LARS2: variants seen among roughly 807,000 people sequenced by gnomAD.
LARS2 encodes leucyl-tRNA synthetase 2, mitochondrial.
In LARS2, 81 loss-of-function variants were observed where a neutral mutation model predicts 116.6. The ratio of observed to expected loss-of-function variants is 0.69; its 90% CI spans 0.58 to 0.84. The LOEUF (loss-of-function observed/expected upper bound fraction) is 0.84, where lower values mean the gene tolerates loss of function less well. Ranked by LOEUF, LARS2 falls within the 40% of genes least tolerant of loss-of-function variation. LARS2 has a pLI of 0.00. For missense variants in LARS2, 968 were observed against 1,114.5 expected (o/e 0.87, Z 1.87); for synonymous variants, 396 against 407.2 (o/e 0.97, Z 0.33).
chr3:45,491,879 C>A, intron 13 of LARS2, 79 bp downstream of exon 13: 1 of 1,340,628 alleles, frequency 7.5e-7, no homozygotes, highest in Non-Finnish European at 1.0e-6. Context: ...CTCCTCCCTC[C>A]TGGTGCTAAC....
At chr3:45,541,197 G>A (rs532284753) in intron 20 of LARS2, among the ~76,000 whole-genome samples, 2 of 152,268 alleles carry the variant, frequency 1.3e-5, no homozygotes, top group African/African-American at 4.8e-5. Context: ...GCTGCGGCAC[G>A]AAGCACTCTG....
chr3:45,496,239 A>G, intron 13 of LARS2, 36 bp from the exon 14 acceptor site: 2 of 1,506,146 alleles, frequency 1.3e-6, no homozygotes, highest in Non-Finnish European at 1.8e-6. Flanking sequence ...TAAAATTTAA[A>G]AAGAAACCAA....
chr3:45,451,269 A>T (rs938085449), intron 7 of LARS2, among the ~76,000 whole-genome samples: 1 of 151,984 alleles, frequency 6.6e-6, no homozygotes, highest in Non-Finnish European at 1.5e-5. Flanking sequence ...CCCAAAAAAA[A>T]AATTTGTCCA....
At chr3:45,427,236 G>A (rs1220379685) in intron 6 of LARS2, among the ~76,000 whole-genome samples, 1 of 152,144 alleles carries the variant, frequency 6.6e-6, no homozygotes, top group Admixed American at 6.5e-5. Context: ...TATTTAAAAG[G>A]TCTTGAAGAT....
intron 20 of LARS2, among the ~76,000 whole-genome samples, chr3:45,533,139 G>GTTTTTT (rs1559499579): frequency 2.3e-5 from 2 of 86,388 alleles, no homozygotes; most frequent in Non-Finnish European, 2.4e-5. Flanking sequence ...GTCACATTAA[G>GTTTTTT]TCTTTTTTTT....
intron 6 of LARS2, chr3:45,422,056 A>G (rs1042063188): frequency 6.6e-6 from 1 of 152,238 alleles, no homozygotes; most frequent in African/African-American, 2.4e-5. Context: ...GGAACCATCT[A>G]TACACATATT....
In LARS2 at chr3:45,437,417, A is replaced by T. The variant is rs528267369; in HGVS notation, c.517-9474A>T. Among the ~76,000 whole-genome samples the T allele has an allele frequency of 2.9e-4, 44 of 152,388 alleles. 1 individual carries two copies. The South Asian group carries it at 8.3e-3, about 29-fold the overall frequency. On this transcript the variant is annotated intron_variant, in intron 6 of 21. Coordinates refer to ENST00000645846, the MANE Select transcript of LARS2 (RefSeq NM_015340.4). ...TTAACACCTGTTCCCTCAATTCTGC[A>T]AAAAAGAGAACAGGAAAGATAAAGG...
At chr3:45,519,033 C>G (rs1700412541) in intron 18 of LARS2, among the ~76,000 whole-genome samples, 1 of 152,216 alleles carries the variant, frequency 6.6e-6, no homozygotes, top group Non-Finnish European at 1.5e-5. Context: ...TTCTTCTATT[C>G]TGTCAGATAA....
intron 20 of LARS2, among the ~76,000 whole-genome samples, chr3:45,538,935 A>G (rs1219425445): frequency 3.3e-5 from 5 of 152,094 alleles, no homozygotes; most frequent in Non-Finnish European, 5.9e-5. Context: ...TTCCCTCTCA[A>G]TGAAGGAGGT....
intron 9 of LARS2, 108 bp downstream of exon 9, chr3:45,474,458 A>C: frequency 3.9e-6 from 2 of 514,420 alleles, no homozygotes; most frequent in Non-Finnish European, 6.7e-6. Context: ...CACAGTCCAA[A>C]CGTGTACAAT....
At chr3:45,461,234 T>C (rs961365839) in intron 8 of LARS2, among the ~76,000 whole-genome samples, 2 of 151,374 alleles carry the variant, frequency 1.3e-5, no homozygotes, top group African/African-American at 4.9e-5. Flanking sequence ...CAGTTAGAAA[T>C]CTAGAATATA....
At chr3:45,547,282 T>G (rs1575325765) in intron 21 of LARS2, 69 bp from the exon 22 acceptor site, 1 of 1,379,562 alleles carries the variant, frequency 7.2e-7, no homozygotes. Context: ...AGGCAGGAGG[T>G]TTGGTATTGG....
At chr3:45,529,159 G>A (rs558058658) in intron 20 of LARS2, among the ~76,000 whole-genome samples, 41 of 152,252 alleles carry the variant, frequency 2.7e-4, no homozygotes, top group African/African-American at 7.9e-4. Flanking sequence ...GTGAGTCACC[G>A]CGCCCGGCCT....
At chr3:45,497,789 C>G (rs1252090050) in intron 14 of LARS2, among the ~76,000 whole-genome samples, 1 of 152,102 alleles carries the variant, frequency 6.6e-6, no homozygotes, top group African/African-American at 2.4e-5. Flanking sequence ...CACCTGTAAT[C>G]CCAGCTACTC....
intron 20 of LARS2, among the ~76,000 whole-genome samples, chr3:45,541,372 C>T (rs1334700155): frequency 3.9e-5 from 6 of 152,034 alleles, no homozygotes; most frequent in Non-Finnish European, 7.4e-5. Flanking sequence ...AGTGTCCTGC[C>T]GTTCACTGCA....
intron 11 of LARS2, among the ~76,000 whole-genome samples, chr3:45,487,599 C>G (rs941705374): frequency 6.6e-6 from 1 of 152,098 alleles, no homozygotes; most frequent in African/African-American, 2.4e-5. Context: ...GAGATTTTGC[C>G]ACCAAGAGAC....
In LARS2 at chr3:45,516,171, G is replaced by A. The variant is rs539920212; in HGVS notation, c.1939G>A (p.Gly647Arg). ...GAAGATGAGTAAGTCCAAACACAAC[G>A]GGGTGGACCCAGAGGAAGTTGTGGA... is the stretch of plus-strand genomic sequence containing the variant. The part of the protein sequence containing the change: ...WEKMSKSKHN[G>R]VDPEEVVEQY... The change falls in exon 17 of 22, where the codon GGG becomes AGG. Residue 647 changes from glycine to arginine, a missense_variant. Physicochemically the swap from Gly to Arg is moderately radical, Grantham distance 125. Coordinates refer to ENST00000645846, the MANE Select transcript of LARS2 (RefSeq NM_015340.4). 9 of 1,614,124 alleles carry A rather than the reference G, an allele frequency of 5.6e-6. No individual in the cohort carries two copies. In the Admixed American group the frequency reaches 6.7e-5, roughly 12 times the overall value.
chr3:45,513,306 C>A, intron 16 of LARS2, 71 bp downstream of exon 16: 2 of 1,012,154 alleles, frequency 2.0e-6, no homozygotes, highest in Non-Finnish European at 3.2e-6. Flanking sequence ...AGCTACTGAG[C>A]AAGCAGGCAT....
intron 15 of LARS2, 61 bp downstream of exon 15, chr3:45,500,640 T>C (rs1700102581): frequency 2.3e-6 from 3 of 1,309,174 alleles, no homozygotes; most frequent in African/African-American, 3.0e-5. Context: ...TTTAAGCAGG[T>C]GTCAGTTCTT....
Sources: gnomAD v4.1 joint callset for allele counts (sites outside exome capture counted in the v4.1 genomes callset) on GRCh38, gnomAD v4.1.1 for gene constraint, MANE v1.5 for transcripts, NCBI Gene and HGNC (gene_info 2026-07-23, HGNC 2026-07-21) for gene names.